Variants in LUZP2 observed in about 807,000 individuals in gnomAD.
LUZP2 encodes the protein leucine zipper protein 2.
A neutral mutation model predicts 51.6 loss-of-function variants in LUZP2; 52 were observed. That is an observed-to-expected ratio of 1.01 (90% CI 0.81 to 1.27). The LOEUF (loss-of-function observed/expected upper bound fraction) is 1.27, where lower values mean the gene tolerates loss of function less well. Ranked by LOEUF, LUZP2 falls within the 50% of genes most tolerant of loss-of-function variation. The pLI, the probability that LUZP2 is intolerant of heterozygous loss-of-function variation, is 0.00. For synonymous variants in LUZP2, 154 were observed against 137.3 expected (o/e 1.12, Z -0.85); for missense variants, 436 against 395.4 (o/e 1.10, Z -0.87).
intron 5 of LUZP2, among the ~76,000 whole-genome samples, chr11:24,836,527 G>C (rs1483194993): frequency 6.6e-6 from 1 of 151,718 alleles, no homozygotes; most frequent in Non-Finnish European, 1.5e-5. Flanking sequence ...TCAATAAGGG[G>C]ATAAATCAAA....
rs758926422 is a variant in LUZP2 at position 25,001,824 on chromosome 11, CCTAT to C, written c.765+18534_765+18537del. Among the ~76,000 whole-genome samples, 14 of 152,130 alleles carry C rather than the reference CCTAT, an allele frequency of 9.2e-5. No individual in the cohort carries two copies. In the East Asian group the frequency reaches 2.3e-3, roughly 25 times the overall value. On this transcript the variant is annotated intron_variant, in intron 9 of 11. Transcript: ENST00000336930. ...CTCTCTGTCTCCTTCTCTTTGACTTCCTATCTTTCTCTGTTTCTTCCTCTCTCTC... is the reference window on the plus strand; with the variant it reads ...CTCTCTGTCTCCTTCTCTTTGACTTCCTTTCTCTGTTTCTTCCTCTCTCTC...
chr11:24,744,319 C>T (rs1176418083), intron 4 of LUZP2, among the ~76,000 whole-genome samples: 1 of 152,082 alleles, frequency 6.6e-6, no homozygotes, highest in East Asian at 1.9e-4. Flanking sequence ...TGGTGGAATT[C>T]TGCTGTGAAT....
chr11:24,639,026 C>T (rs917279386), intron 1 of LUZP2, among the ~76,000 whole-genome samples: 1 of 151,740 alleles, frequency 6.6e-6, no homozygotes, highest in Non-Finnish European at 1.5e-5. Flanking sequence ...ACCTGTTATA[C>T]TAAAAGCTCT....
intron 10 of LUZP2, among the ~76,000 whole-genome samples, chr11:25,064,563 G>A (rs1858942290): frequency 6.6e-6 from 1 of 151,970 alleles, no homozygotes; most frequent in Non-Finnish European, 1.5e-5. Flanking sequence ...AACTAAATTA[G>A]CATACCTACT....
chr11:24,848,706 C>T (rs1467280634), intron 5 of LUZP2, among the ~76,000 whole-genome samples: 1 of 152,160 alleles, frequency 6.6e-6, no homozygotes, highest in Non-Finnish European at 1.5e-5. Context: ...AGTTTGCCAT[C>T]ATTTTAGCCC....
At chr11:25,066,859 T>G (rs1859009049) in intron 10 of LUZP2, among the ~76,000 whole-genome samples, 1 of 151,982 alleles carries the variant, frequency 6.6e-6, no homozygotes, top group African/African-American at 2.4e-5. Context: ...AAAAATTGTT[T>G]ACAGCTTACC....
intron 5 of LUZP2, among the ~76,000 whole-genome samples, chr11:24,860,427 C>T (rs1296774988): frequency 6.6e-6 from 1 of 152,070 alleles, no homozygotes; most frequent in Non-Finnish European, 1.5e-5. Context: ...TGAAGCACAG[C>T]CCCACCACCA....
At chr11:24,865,876 C>T (rs1310569610) in intron 5 of LUZP2, among the ~76,000 whole-genome samples, 1 of 151,658 alleles carries the variant, frequency 6.6e-6, no homozygotes, top group Non-Finnish European at 1.5e-5. Flanking sequence ...GTGGCATGAT[C>T]TTGGCTCACT....
chr11:24,796,671 T>A (rs540833605), intron 5 of LUZP2, among the ~76,000 whole-genome samples: 1 of 152,138 alleles, frequency 6.6e-6, no homozygotes, highest in Admixed American at 6.6e-5. Flanking sequence ...TTCAATATTC[T>A]TGTGGTCTAA....
At chr11:25,036,483 G>T (rs1857865483) in intron 9 of LUZP2, among the ~76,000 whole-genome samples, 1 of 151,158 alleles carries the variant, frequency 6.6e-6, no homozygotes, top group South Asian at 2.1e-4. Flanking sequence ...TTCTTCTCTA[G>T]TTTTAGTTAT....
chr11:24,963,173 C>T (rs1426336118), intron 7 of LUZP2, among the ~76,000 whole-genome samples: 1 of 152,220 alleles, frequency 6.6e-6, no homozygotes, highest in East Asian at 1.9e-4. Context: ...TCTGCCCCTA[C>T]TGGGGGGTAC....
chr11:24,935,243 T>C (rs1314791472), intron 7 of LUZP2, among the ~76,000 whole-genome samples: 2 of 152,166 alleles, frequency 1.3e-5, no homozygotes, highest in Non-Finnish European at 2.9e-5. Flanking sequence ...CTTAACTTTA[T>C]GCTAAGTAGA....
intron 5 of LUZP2, among the ~76,000 whole-genome samples, chr11:24,792,771 T>C (rs1849442721): frequency 6.6e-6 from 1 of 152,196 alleles, no homozygotes; most frequent in Non-Finnish European, 1.5e-5. Context: ...ATGAAAGCTG[T>C]ACTGTTGTTG....
chr11:24,966,217 G>T (rs1855577780), intron 7 of LUZP2, among the ~76,000 whole-genome samples: 1 of 151,446 alleles, frequency 6.6e-6, no homozygotes, highest in African/African-American at 2.4e-5. Flanking sequence ...GTGGTTGTTT[G>T]TATTTTTAAT....
At chr11:24,654,267 C>T (rs1339591178) in intron 1 of LUZP2, among the ~76,000 whole-genome samples, 1 of 152,142 alleles carries the variant, frequency 6.6e-6, no homozygotes, top group Non-Finnish European at 1.5e-5. Context: ...ATTTGATTTA[C>T]ATAAATAATT....
intron 1 of LUZP2, among the ~76,000 whole-genome samples, chr11:24,657,845 T>C (rs1855863556): frequency 1.3e-5 from 2 of 151,996 alleles, no homozygotes; most frequent in Non-Finnish European, 2.9e-5. Flanking sequence ...GAGAATAAAA[T>C]ACCTAGGAAT....
chr11:24,616,475 A>ATG (rs61413263), intron 1 of LUZP2, among the ~76,000 whole-genome samples: 9,239 of 98,430 alleles, frequency 0.094, 362 homozygotes, highest in Admixed American at 0.15. Context: ...TGGCGTGCGC[A>ATG]TGTGTGTGTG....
intron 5 of LUZP2, among the ~76,000 whole-genome samples, chr11:24,866,212 A>C (rs945337776): frequency 1.3e-5 from 2 of 151,774 alleles, no homozygotes. Flanking sequence ...CTTCATGAAC[A>C]CTCCTTAGTC....
intron 5 of LUZP2, among the ~76,000 whole-genome samples, chr11:24,849,563 G>A (rs984544084): frequency 4.6e-5 from 7 of 152,066 alleles, no homozygotes; most frequent in Non-Finnish European, 1.0e-4. Flanking sequence ...GTCTGCTATT[G>A]TGAGCAGTGC....
Sources: gnomAD v4.1 joint callset for allele counts (sites outside exome capture counted in the v4.1 genomes callset) on GRCh38, gnomAD v4.1.1 for gene constraint, MANE v1.5 for transcripts, NCBI Gene and HGNC (gene_info 2026-07-23, HGNC 2026-07-21) for gene names.